Variants in MGST1 observed in about 807,000 individuals in gnomAD.
MGST1 encodes glutathione S-transferase 12.
Under a neutral mutation model 8.9 loss-of-function variants are expected in MGST1, and 5 were observed. That is an observed-to-expected ratio of 0.56 (90% CI 0.29 to 1.19). The LOEUF (loss-of-function observed/expected upper bound fraction) is 1.19. Ranked by LOEUF, MGST1 falls within the 50% of genes most tolerant of loss-of-function variation. The probability of loss-of-function intolerance (pLI) is 0.08; values close to 1 mark genes in which losing one functional copy is unlikely to be tolerated. For synonymous variants in MGST1, 54 were observed against 67.8 expected (o/e 0.80, Z 1.00); for missense variants, 182 against 187.4 (o/e 0.97, Z 0.17).
intron 4 of MGST1, among the ~76,000 whole-genome samples, chr12:16,588,432 TTATAA>T (rs2137596295): frequency 6.6e-6 from 1 of 152,108 alleles, no homozygotes; most frequent in East Asian, 1.9e-4. Context: ...ACCTAAAATT[TTATAA>T]TATAATTCTA....
intron 1 of MGST1, among the ~76,000 whole-genome samples, chr12:16,415,696 C>T (rs562986085): frequency 5.4e-4 from 82 of 152,138 alleles, no homozygotes; most frequent in East Asian, 2.3e-3. Context: ...TTATTGGTAA[C>T]GGTTCTGATC....
At chr12:16,469,349 C>G (rs1195343515) in intron 4 of MGST1, among the ~76,000 whole-genome samples, 1 of 152,016 alleles carries the variant, frequency 6.6e-6, no homozygotes, top group Non-Finnish European at 1.5e-5. Flanking sequence ...CCATGTCCAG[C>G]TAATTTTTTT....
At chr12:16,386,154 C>A in intron 1 of MGST1, among the ~76,000 whole-genome samples, 1 of 152,252 alleles carries the variant, frequency 6.6e-6, no homozygotes, top group Admixed American at 6.5e-5. Flanking sequence ...ATAAACCAGT[C>A]CAAAGTATCC....
At position 16,584,191 on chromosome 12, in the gene MGST1, G is replaced by A. The variant is rs1038180905; in HGVS notation, n.483-5337G>A. On this transcript the variant is annotated intron_variant and non_coding_transcript_variant, in intron 4 of 4. Transcript: ENST00000538857. This position sits in a 1 kb window ranked among gnomAD's most constrained non-coding sequence, Gnocchi z 5.2. ...TAAAAGGTAGTATAATTAGATGTAC[G>A]AGTTTTGTTGGAGGATGCATTTTTT... Among the ~76,000 whole-genome samples, 15 of 152,092 alleles carry A rather than the reference G, an allele frequency of 9.9e-5. No homozygotes were observed. The highest frequency in any genetic ancestry group is 7.7e-4 in the East Asian group (4 of 5,172).
chr12:16,355,041 T>C (rs894071510), intron 2 of MGST1, among the ~76,000 whole-genome samples: 5 of 152,072 alleles, frequency 3.3e-5, no homozygotes, highest in Non-Finnish European at 7.4e-5. Flanking sequence ...CGAGGTTCCC[T>C]TTACAAAATT....
At chr12:16,411,308 A>G (rs570929751) in intron 1 of MGST1, among the ~76,000 whole-genome samples, 1 of 152,274 alleles carries the variant, frequency 6.6e-6, no homozygotes, top group Admixed American at 6.5e-5. Flanking sequence ...AAATATAAAC[A>G]TATTTACTAA....
intron 4 of MGST1, among the ~76,000 whole-genome samples, chr12:16,491,669 A>G (rs980469989): frequency 2.6e-5 from 4 of 152,214 alleles, no homozygotes; most frequent in African/African-American, 9.6e-5. Context: ...GCTTACTACA[A>G]CATACAACAT....
intron 1 of MGST1, among the ~76,000 whole-genome samples, chr12:16,395,699 T>G (rs1373538101): frequency 1.3e-5 from 2 of 151,052 alleles, no homozygotes; most frequent in Admixed American, 1.3e-4. Flanking sequence ...GTTACTTCAC[T>G]TAGAATAATA....
At chr12:16,476,794 C>A (rs1358987989) in intron 4 of MGST1, among the ~76,000 whole-genome samples, 1 of 152,144 alleles carries the variant, frequency 6.6e-6, no homozygotes, top group Non-Finnish European at 1.5e-5. Context: ...TGAAAGATAG[C>A]ATGGCACCCA....
rs1940572486 is a variant in MGST1 at position 16,393,631 on chromosome 12, T to A, written n.778+10027T>A. ...ATAAACCTTTGATGCCCTCTGATCT[T>A]GAGGGACATGGGTTTGAGGAAAGAA... On this transcript the variant is annotated intron_variant and non_coding_transcript_variant, in intron 1 of 1. Transcript: ENST00000359720. 3.3e-5 allele frequency among the ~76,000 whole-genome samples: 5 copies of A among 152,208 alleles called. No individual in the cohort carries two copies. In the South Asian group the frequency reaches 1.0e-3, roughly 32 times the overall value.
chr12:16,454,595 T>A (rs1314361612), intron 4 of MGST1, among the ~76,000 whole-genome samples: 1 of 151,892 alleles, frequency 6.6e-6, no homozygotes, highest in Non-Finnish European at 1.5e-5. Flanking sequence ...CAGATTGGTT[T>A]ATTTGACCAG....
Position 16,392,787 on chromosome 12 carries a change from A to T in MGST1, n.778+9183A>T, listed in dbSNP as rs146318030. On this transcript the variant is annotated intron_variant and non_coding_transcript_variant, in intron 1 of 1. Coordinates refer to the MGST1 transcript ENST00000359720. Reference sequence around the variant, plus strand: ...AGATATATCTATCTGGATATATACAAAGATATATCTGTATACATATGATAG... The same window carrying T: ...AGATATATCTATCTGGATATATACATAGATATATCTGTATACATATGATAG... Among the ~76,000 whole-genome samples the T allele has an allele frequency of 2.5e-3, 380 of 152,048 alleles. 3 individuals carry two copies. Among genetic ancestry groups the T allele is most frequent in the African/African-American group, 9.0e-3 (373 of 41,532 alleles).
intron 3 of MGST1, among the ~76,000 whole-genome samples, chr12:16,358,928 C>T (rs1055953149): frequency 8.6e-5 from 13 of 151,782 alleles, no homozygotes; most frequent in Non-Finnish European, 1.8e-4. Flanking sequence ...GAAGCCCCTC[C>T]CAAGATTTCT....
At chr12:16,558,234 G>A (rs1942264046) in intron 4 of MGST1, among the ~76,000 whole-genome samples, 1 of 151,976 alleles carries the variant, frequency 6.6e-6, no homozygotes, top group Admixed American at 6.6e-5. Context: ...TGTATGGCTG[G>A]CTATATATCA....
intron 1 of MGST1, among the ~76,000 whole-genome samples, chr12:16,430,544 A>G (rs1034735071): frequency 2.0e-5 from 3 of 152,156 alleles, no homozygotes; most frequent in African/African-American, 7.2e-5. Flanking sequence ...ACACTAATCT[A>G]CTTACACATC....
In MGST1 at chr12:16,546,052, T is replaced by C. The variant is rs1941822046; in HGVS notation, n.483-43476T>C. Among the ~76,000 whole-genome samples the C allele has an allele frequency of 6.6e-6, 1 of 152,112 alleles. No individual in the cohort carries two copies. The highest frequency in any genetic ancestry group is 2.4e-5 in the African/African-American group (1 of 41,450). ...TAACCTGGCTGTGCTTTCATTTTAA[T>C]AGTACCTGTGTCACAGGGGTGTTGT... On this transcript the variant is annotated intron_variant and non_coding_transcript_variant, in intron 4 of 4. Coordinates refer to the MGST1 transcript ENST00000538857. The surrounding 1 kb of genome is among the most constrained non-coding windows in gnomAD (Gnocchi z 4.7).
In MGST1 at chr12:16,537,199, C is replaced by A. The variant is rs1464467824; in HGVS notation, n.483-52329C>A. ...TACAGGGCCCATCCAAGTCTGAAAT[C>A]CAGTGGGGCAGTCAAATTTTAAAGC... On this transcript the variant is annotated intron_variant and non_coding_transcript_variant, in intron 4 of 4. Transcript: ENST00000538857. This position sits in a 1 kb window ranked among gnomAD's most constrained non-coding sequence, Gnocchi z 4.6. 6.6e-6 allele frequency among the ~76,000 whole-genome samples: 1 copy of A among 152,140 alleles called. No individual in the cohort carries two copies. The highest frequency in any genetic ancestry group is 1.5e-5 in the Non-Finnish European group (1 of 68,022).
intron 4 of MGST1, among the ~76,000 whole-genome samples, chr12:16,534,003 G>A (rs1219683636): frequency 6.6e-6 from 1 of 152,156 alleles, no homozygotes; most frequent in African/African-American, 2.4e-5. Flanking sequence ...CTGGCGCATG[G>A]TTTATTACGG....
intron 1 of MGST1, among the ~76,000 whole-genome samples, chr12:16,434,442 TTGTGTGTG>T (rs34340683): frequency 1.3e-5 from 2 of 150,188 alleles, no homozygotes; most frequent in Non-Finnish European, 3.0e-5. Flanking sequence ...TTTATTTCAG[TTGTGTGTG>T]TGTGTGTGTG....
Sources: allele counts gnomAD v4.1 joint callset (sites outside exome capture counted in the v4.1 genomes callset), GRCh38; gene constraint gnomAD v4.1.1; non-coding constraint Gnocchi (gnomAD v3.1); transcripts MANE v1.5; gene names NCBI Gene and HGNC (gene_info 2026-07-23, HGNC 2026-07-21).